The following HYDIN variants were observed in gnomAD, a reference collection of about 807,000 sequenced individuals.
The protein encoded by HYDIN is axonemal central pair apparatus protein HYDIN.
A neutral mutation model predicts 403.9 loss-of-function variants in HYDIN; 132 were observed. The ratio of observed to expected loss-of-function variants is 0.33; its 90% confidence interval spans 0.28 to 0.38. HYDIN has a LOEUF of 0.38. HYDIN is among the 10% of genes least tolerant of loss of function. HYDIN has a pLI of 1.00. For synonymous variants in HYDIN, 1,202 were observed against 1,891.7 expected (o/e 0.64, Z 9.46); for missense variants, 2,827 against 5,009.5 (o/e 0.56, Z 13.15).
chr16:70,914,440 T>A (rs1207671246), intron 47 of HYDIN, among the ~76,000 whole-genome samples: 2 of 151,052 alleles, frequency 1.3e-5, no homozygotes, highest in Non-Finnish European at 3.0e-5. Flanking sequence ...ATACTTCTTT[T>A]GTTTGAGGAG....
Position 70,805,923 on chromosome 16 carries a change from G to A in HYDIN, c.*1657C>T, listed in dbSNP as rs2035085701. On this transcript the variant is annotated 3_prime_UTR_variant, in exon 86 of 86. Coordinates refer to ENST00000393567, the MANE Select transcript of HYDIN (RefSeq NM_001270974.2). ...TGGCATGCTGTTCTGAATAACTTGA[G>A]GAAATCTCATGCCATCCCACTCCAT... Among the ~76,000 whole-genome samples the A allele has an allele frequency of 1.3e-5, 2 of 152,148 alleles. No individual in the cohort carries two copies. Among genetic ancestry groups the A allele is most frequent in the African/African-American group, 4.8e-5 (2 of 41,428 alleles).
intron 5 of HYDIN, among the ~76,000 whole-genome samples, chr16:71,172,297 A>G (rs377135586): frequency 1.3e-5 from 2 of 152,320 alleles, no homozygotes; most frequent in East Asian, 3.9e-4. Context: ...CATTGCAAAC[A>G]GATGCTTTCT....
In HYDIN at chr16:71,178,430, A is replaced by ATAT. The variant is rs1555501877; in HGVS notation, c.381+497_381+498insATA. On this transcript the variant is annotated intron_variant, in intron 4 of 85. Coordinates refer to ENST00000393567, the MANE Select transcript of HYDIN (RefSeq NM_001270974.2). ...GTGAAACTCTGTCTCAAAAAAAAAAAAAAAATATATATATATATATATGTA... is the reference window on the plus strand; with the variant it reads ...GTGAAACTCTGTCTCAAAAAAAAAAATATAAAAATATATATATATATATATGTA... 2.8e-3 allele frequency among the ~76,000 whole-genome samples: 334 copies of ATAT among 118,450 alleles called. 1 individual carries two copies. Among genetic ancestry groups the ATAT allele is most frequent in the Middle Eastern group, 0.02 (5 of 248 alleles). 77.7% of individuals were successfully genotyped at this position (118,450 alleles called of 152,430 possible).
In HYDIN at chr16:71,179,064, A is replaced by G; in HGVS notation, c.262-17T>C. Reference sequence around the variant, plus strand: ...TCCTGAAAACTTCAGTTGAAAGAGTAAATTATTGTTATAGTCACACATTGA... The same window carrying G: ...TCCTGAAAACTTCAGTTGAAAGAGTGAATTATTGTTATAGTCACACATTGA... On this transcript the variant is annotated splice_polypyrimidine_tract_variant and intron_variant, in intron 3 of 85. Coordinates refer to ENST00000393567, the MANE Select transcript of HYDIN (RefSeq NM_001270974.2). 2 of 1,603,450 alleles carry G rather than the reference A, an allele frequency of 1.2e-6. No homozygotes were observed. The highest frequency in any genetic ancestry group is 1.7e-6 in the Non-Finnish European group (2 of 1,173,420).
chr16:71,046,314 A>G (rs960235976), intron 18 of HYDIN, among the ~76,000 whole-genome samples: 1 of 151,614 alleles, frequency 6.6e-6, no homozygotes, highest in African/African-American at 2.4e-5. Flanking sequence ...TCTGAAAACA[A>G]CATCCTCACT....
At chr16:70,881,607 C>CAA (rs10711812) in intron 60 of HYDIN, among the ~76,000 whole-genome samples, 5 of 130,692 alleles carry the variant, frequency 3.8e-5, no homozygotes, top group Admixed American at 7.5e-5. Flanking sequence ...GACTCCGTCT[C>CAA]AAAAAAAAAA....
rs754802633 is a variant in HYDIN at position 71,067,223 on chromosome 16, C to T, written c.2075+67G>A. 24 of 812,810 alleles carry T rather than the reference C, an allele frequency of 3.0e-5. No individual in the cohort carries two copies. In the South Asian group the frequency reaches 3.9e-4, roughly 13 times the overall value. The allele number at this position is 812,810 out of a possible 1,614,324, so 50.3% of individuals were successfully genotyped here. A position where few individuals can be genotyped will look rare whatever the true frequency, so the allele number is the denominator to read the frequency against. On this transcript the variant is annotated intron_variant, in intron 15 of 85. Coordinates refer to ENST00000393567, the MANE Select transcript of HYDIN (RefSeq NM_001270974.2). ...CTTGGGTTGGCAGGCCAGCTGCCTT[C>T]TGGGAGGCAGCCCATTACTGGAGGC...
At chr16:71,030,739 A>C (rs1038302947) in intron 19 of HYDIN, among the ~76,000 whole-genome samples, 6 of 152,212 alleles carry the variant, frequency 3.9e-5, no homozygotes, top group Non-Finnish European at 8.8e-5. Flanking sequence ...TCCAAACCTG[A>C]TTTTTATGTC....
rs574306890 is a variant in HYDIN at position 70,842,757 on chromosome 16, T to G, written c.12874-2524A>C. On this transcript the variant is annotated intron_variant, in intron 75 of 85. Transcript: ENST00000393567. Reference sequence around the variant, plus strand: ...TGATAAGGTAAAATTTTATGTCTTTTTTCTATTTGCTTTCTATATATCATG... The same window carrying G: ...TGATAAGGTAAAATTTTATGTCTTTGTTCTATTTGCTTTCTATATATCATG... 6.6e-5 allele frequency among the ~76,000 whole-genome samples: 10 copies of G among 152,186 alleles called. No individual in the cohort carries two copies. In the South Asian group the frequency reaches 1.5e-3, roughly 22 times the overall value.
At position 70,860,682 on chromosome 16, in the gene HYDIN, A is replaced by T; in HGVS notation, c.11990+7T>A. ...GAATTCAATCAATGTAAACCTAAGC[A>T]ACTCACCGGAGATTCTTCCCTCCTA... On this transcript the variant is annotated splice_region_variant and intron_variant, in intron 70 of 85. Transcript: ENST00000393567. 1 of 533,162 alleles carries T rather than the reference A, an allele frequency of 1.9e-6. No homozygotes were observed. The highest frequency in any genetic ancestry group is 2.9e-5 in the East Asian group (1 of 34,794). The allele number at this position is 533,162 out of a possible 1,614,324, so 33.0% of individuals were successfully genotyped here.
intron 52 of HYDIN, among the ~76,000 whole-genome samples, chr16:70,901,582 TTC>T (rs1226542504): frequency 5.6e-5 from 7 of 124,238 alleles, no homozygotes; most frequent in Non-Finnish European, 8.5e-5. Flanking sequence ...TATATTTTCT[TTC>T]TTTTTTTTTT....
chr16:70,875,297 T>C (rs1373190495), intron 62 of HYDIN, among the ~76,000 whole-genome samples: 1 of 151,906 alleles, frequency 6.6e-6, no homozygotes, highest in Non-Finnish European at 1.5e-5. Context: ...GGGCCTGCAT[T>C]GATGTCAATT....
chr16:71,189,364 A>G (rs1404500568), intron 1 of HYDIN, among the ~76,000 whole-genome samples: 1 of 152,220 alleles, frequency 6.6e-6, no homozygotes, highest in Admixed American at 6.5e-5. Context: ...AAGAAACGGG[A>G]AAATCAATTC....
At chr16:71,053,399 C>A (rs1240277459) in intron 18 of HYDIN, among the ~76,000 whole-genome samples, 1 of 152,206 alleles carries the variant, frequency 6.6e-6, no homozygotes, top group Non-Finnish European at 1.5e-5. Flanking sequence ...TTCACTGCAG[C>A]ATTGTTATAA....
chr16:70,931,914 C>G (rs1370000808), intron 45 of HYDIN, among the ~76,000 whole-genome samples: 2 of 137,348 alleles, frequency 1.5e-5, no homozygotes, highest in African/African-American at 5.4e-5. Context: ...ACTTGGGAAG[C>G]TGAGACAGGA....
At chr16:70,888,291 T>C (rs1353390376) in intron 58 of HYDIN, among the ~76,000 whole-genome samples, 2 of 152,224 alleles carry the variant, frequency 1.3e-5, no homozygotes, top group Non-Finnish European at 2.9e-5. Context: ...AACCTGGACA[T>C]TTTGGGTGTT....
At chr16:71,215,908 A>G (rs1425704473) in intron 1 of HYDIN, among the ~76,000 whole-genome samples, 1 of 152,202 alleles carries the variant, frequency 6.6e-6, no homozygotes, top group African/African-American at 2.4e-5. Context: ...AGGGAAATGT[A>G]ATTAAAACCA....
chr16:70,943,927 G>A lies in HYDIN; in HGVS notation c.6554C>T (p.Pro2185Leu), dbSNP rs766023825. ...TPQISSSPLP[P>L]GPIHRWLSVS... is the part of the protein sequence containing the mutation. ...ACTGAGCCAGCGGTGGATGGGCCCC[G>A]GGGGGAGAGGGCTGGAGGAAATCTG... The change falls in exon 42 of 86, where the codon CCG becomes CTG. Residue 2185 changes from proline (P) to leucine (L), a missense_variant. Physicochemically the swap from Pro to Leu is moderately conservative, Grantham distance 98. Coordinates refer to ENST00000393567, the MANE Select transcript of HYDIN (RefSeq NM_001270974.2). 111 of 1,610,264 alleles carry A rather than the reference G, an allele frequency of 6.9e-5. 6 individuals are homozygous for A. The South Asian group carries it at 1.1e-3, about 16-fold the overall frequency.
intron 84 of HYDIN, among the ~76,000 whole-genome samples, chr16:70,811,794 T>A (rs538530049): frequency 6.7e-6 from 1 of 149,980 alleles, no homozygotes; most frequent in African/African-American, 2.5e-5. Flanking sequence ...GAGGCAGAGG[T>A]TGTGGTGAGC....
Sources: allele counts gnomAD v4.1 joint callset (sites outside exome capture counted in the v4.1 genomes callset), GRCh38; gene constraint gnomAD v4.1.1; transcripts MANE v1.5; gene names NCBI Gene and HGNC (gene_info 2026-07-23, HGNC 2026-07-21).